The following PDE4D variants were observed in gnomAD, a reference collection of about 807,000 sequenced individuals.
PDE4D encodes phosphodiesterase 4D, also known as 3',5'-cyclic-AMP phosphodiesterase 4D.
Under a neutral mutation model 87.4 loss-of-function variants are expected in PDE4D, and 24 were observed. The ratio of observed to expected loss-of-function variants is 0.27; its 90% CI spans 0.20 to 0.39. The LOEUF is 0.39. PDE4D is among the 10% of genes least tolerant of loss of function. The pLI is 1.00. For synonymous variants in PDE4D, 384 were observed against 383.2 expected, an observed-to-expected ratio of 1.00 and a Z score of -0.02; for missense variants, 714 against 1,041.0, an observed-to-expected ratio of 0.69 and a Z score of 4.32.
intron 3 of PDE4D, among the ~76,000 whole-genome samples, chr5:59,922,312 G>A (rs544517191): frequency 1.3e-5 from 2 of 152,236 alleles, no homozygotes; most frequent in South Asian, 2.1e-4. Flanking sequence ...TACTGATGCT[G>A]GGATGGGTTT....
At chr5:59,673,380 G>A (rs1179698077) in intron 1 of PDE4D, among the ~76,000 whole-genome samples, 1 of 152,124 alleles carries the variant, frequency 6.6e-6, no homozygotes, top group Non-Finnish European at 1.5e-5. Flanking sequence ...AAGCAAAAGA[G>A]ACCTTCCGAA....
chr5:59,998,854 G>A (rs1364701977), intron 2 of PDE4D, among the ~76,000 whole-genome samples: 1 of 151,978 alleles, frequency 6.6e-6, no homozygotes, highest in Admixed American at 6.6e-5. Flanking sequence ...GTCAATATGT[G>A]TTACAGGAAA....
chr5:59,549,277 A>C (rs1817742149), intron 1 of PDE4D, among the ~76,000 whole-genome samples: 1 of 152,230 alleles, frequency 6.6e-6, no homozygotes, highest in Admixed American at 6.5e-5. Context: ...TAAGTGTTCA[A>C]CAGCAAATTA....
intron 11 of PDE4D, among the ~76,000 whole-genome samples, chr5:58,987,458 T>C (rs1405551584): frequency 2.6e-5 from 4 of 152,148 alleles, no homozygotes; most frequent in African/African-American, 7.2e-5. Flanking sequence ...CATTATAAGA[T>C]ATAAAAATAG....
At chr5:59,192,198 C>G (rs1037862731) in intron 3 of PDE4D, among the ~76,000 whole-genome samples, 1 of 152,120 alleles carries the variant, frequency 6.6e-6, no homozygotes, top group African/African-American at 2.4e-5. Context: ...CATAATCCTA[C>G]TATCTAAACC....
intron 1 of PDE4D, among the ~76,000 whole-genome samples, chr5:59,763,651 G>A (rs1202647372): frequency 1.3e-5 from 2 of 152,250 alleles, no homozygotes; most frequent in Middle Eastern, 3.4e-3. Flanking sequence ...AACTAGTACT[G>A]GAAGTTAAGT....
intron 1 of PDE4D, among the ~76,000 whole-genome samples, chr5:60,452,083 T>C (rs2150153364): frequency 6.6e-6 from 1 of 152,208 alleles, no homozygotes; most frequent in Non-Finnish European, 1.5e-5. Flanking sequence ...TCTTATTCCT[T>C]CTCTTGGAAA....
chr5:59,221,129 T>C (rs1364000970), intron 1 of PDE4D, among the ~76,000 whole-genome samples: 1 of 152,146 alleles, frequency 6.6e-6, no homozygotes, highest in Non-Finnish European at 1.5e-5. Context: ...CTATGTTCAG[T>C]AGTATGCTCA....
intron 1 of PDE4D, among the ~76,000 whole-genome samples, chr5:60,517,405 G>A (rs1750849542): frequency 6.6e-6 from 1 of 152,230 alleles, no homozygotes; most frequent in African/African-American, 2.4e-5. Flanking sequence ...TGAAGCCTGG[G>A]GGCCAGGCTG....
intron 3 of PDE4D, among the ~76,000 whole-genome samples, chr5:59,982,518 A>T (rs967068695): frequency 6.6e-6 from 1 of 152,220 alleles, no homozygotes; most frequent in Non-Finnish European, 1.5e-5. Flanking sequence ...AATGTAAGTC[A>T]GTGCCCAAGA....
chr5:60,091,790 C>T (rs890673924), intron 2 of PDE4D, among the ~76,000 whole-genome samples: 3 of 152,184 alleles, frequency 2.0e-5, no homozygotes, highest in East Asian at 1.9e-4. Context: ...CGGTGGCTCA[C>T]GCCTGTAATC....
At chr5:59,374,841 C>T (rs142508883) in intron 1 of PDE4D, among the ~76,000 whole-genome samples, 24 of 152,254 alleles carry the variant, frequency 1.6e-4, no homozygotes, top group African/African-American at 5.3e-4. Flanking sequence ...GACCAGAGTG[C>T]AATCAAATTA....
intron 1 of PDE4D, among the ~76,000 whole-genome samples, chr5:60,251,433 C>G (rs1748447895): frequency 6.6e-6 from 1 of 151,908 alleles, no homozygotes; most frequent in Admixed American, 6.6e-5. Flanking sequence ...TCATTTAGCT[C>G]CCACTTGTAA....
chr5:59,121,925 C>T (rs1035134157), intron 5 of PDE4D, among the ~76,000 whole-genome samples: 1 of 151,982 alleles, frequency 6.6e-6, no homozygotes, highest in Non-Finnish European at 1.5e-5. Context: ...GGGCGGATCA[C>T]GTGGTCAGGA....
intron 1 of PDE4D, among the ~76,000 whole-genome samples, chr5:59,406,385 TATCTTTCCTTCCC>T (rs1791638144): frequency 1.1e-5 from 1 of 86,974 alleles, no homozygotes; most frequent in Non-Finnish European, 2.2e-5. Context: ...TATCTTTCCT[TATCTTTCCTTCCC>T]CCCCCCCCCC....
chr5:59,769,472 A>C (rs143778206), intron 1 of PDE4D, among the ~76,000 whole-genome samples: 1 of 152,354 alleles, frequency 6.6e-6, no homozygotes, highest in African/African-American at 2.4e-5. Flanking sequence ...AGAGGGTGGA[A>C]TACATCTAGC....
chr5:59,715,984 T>C (rs2150531660), intron 1 of PDE4D, among the ~76,000 whole-genome samples: 1 of 152,296 alleles, frequency 6.6e-6, no homozygotes, highest in Admixed American at 6.5e-5. Context: ...GTCAGACCTG[T>C]GTGTCCAGGG....
chr5:60,228,184 T>C (rs1055999586), intron 1 of PDE4D, among the ~76,000 whole-genome samples: 20 of 152,114 alleles, frequency 1.3e-4, no homozygotes, highest in Non-Finnish European at 2.5e-4. Flanking sequence ...CCCTCTACCA[T>C]TTATAATATA....
intron 1 of PDE4D, chr5:60,188,148 C>T (rs966237648): frequency 6.6e-6 from 1 of 152,154 alleles, no homozygotes; most frequent in Non-Finnish European, 1.5e-5. Context: ...CTACTTTCCA[C>T]TAACCAGTAT....
Sources: allele counts gnomAD v4.1 joint callset (sites outside exome capture counted in the v4.1 genomes callset), GRCh38; gene constraint gnomAD v4.1.1; transcripts MANE v1.5; gene names NCBI Gene and HGNC (gene_info 2026-07-23, HGNC 2026-07-21).